CSMD1: variants seen among roughly 807,000 people sequenced by gnomAD.
CSMD1 encodes CUB and sushi domain-containing protein 1.
A neutral mutation model predicts 417.5 loss-of-function variants in CSMD1; 213 were observed. The ratio of observed to expected loss-of-function variants is 0.51; its 90% CI spans 0.46 to 0.57. The LOEUF is 0.57. CSMD1 is among the 20% of genes least tolerant of loss of function. The pLI is 0.00. For synonymous variants in CSMD1, 2,862 were observed against 1,736.8 expected (o/e 1.65, Z -16.11); for missense variants, 6,923 against 4,529.7 (o/e 1.53, Z -15.17).
At chr8:3,147,265 G>T (rs752908288) in intron 40 of CSMD1, among the ~76,000 whole-genome samples, 24 of 152,054 alleles carry the variant, frequency 1.6e-4, no homozygotes, top group Non-Finnish European at 4.4e-5. Flanking sequence ...CATGCTGTTT[G>T]TTTCATACTC....
At chr8:3,363,951 C>T (rs943064972) in intron 20 of CSMD1, among the ~76,000 whole-genome samples, 2 of 152,044 alleles carry the variant, frequency 1.3e-5, no homozygotes, top group African/African-American at 2.4e-5. Context: ...ACAATATTAC[C>T]GTTAACATCT....
intron 3 of CSMD1, among the ~76,000 whole-genome samples, chr8:4,325,813 C>A (rs930894680): frequency 6.6e-6 from 1 of 152,098 alleles, no homozygotes; most frequent in East Asian, 1.9e-4. Context: ...GCTGATGACC[C>A]TGAGAACGAC....
chr8:4,375,967 A>G (rs948431527), intron 3 of CSMD1, among the ~76,000 whole-genome samples: 2 of 152,142 alleles, frequency 1.3e-5, no homozygotes, highest in Non-Finnish European at 2.9e-5. Flanking sequence ...AGGCCTTGCC[A>G]ATGCTGCTTA....
chr8:4,284,607 A>T (rs1796961097), intron 3 of CSMD1, among the ~76,000 whole-genome samples: 2 of 152,148 alleles, frequency 1.3e-5, no homozygotes, highest in Admixed American at 1.3e-4. Flanking sequence ...CGTCAGGCAA[A>T]GATGGTAAAA....
At position 3,065,890 on chromosome 8, in the gene CSMD1, T is replaced by C. The variant is rs181784132; in HGVS notation, c.7475-13243A>G. On this transcript the variant is annotated intron_variant, in intron 49 of 69. Transcript: ENST00000635120. The stretch of plus-strand genomic sequence containing the variant: ...AAATCTGGCTCATTATAAATGAAAA[T>C]GAGTGAAGAGCGTAGTTTCTACAGC... Among the ~76,000 whole-genome samples the C allele has an allele frequency of 4.9e-4, 74 of 152,182 alleles. No homozygotes were observed. The East Asian group carries it at 0.013, about 26-fold the overall frequency.
Position 3,675,656 on chromosome 8 carries a change from A to C in CSMD1, c.1009+32758T>G, listed in dbSNP as rs528829667. On this transcript the variant is annotated intron_variant, in intron 7 of 69. Transcript: ENST00000635120. Reference sequence around the variant, plus strand: ...AAACCAGGGTGTTCTCTGCCACTCAAGGACACAATTAGAAGATGCCATCTG... The same window carrying C: ...AAACCAGGGTGTTCTCTGCCACTCACGGACACAATTAGAAGATGCCATCTG... 6.5e-4 allele frequency among the ~76,000 whole-genome samples: 99 copies of C among 152,294 alleles called. No homozygotes were observed. In the Middle Eastern group the frequency reaches 0.014, roughly 21 times the overall value.
At chr8:4,440,251 T>C (rs879934288) in intron 2 of CSMD1, among the ~76,000 whole-genome samples, 4 of 152,208 alleles carry the variant, frequency 2.6e-5, no homozygotes, top group Non-Finnish European at 5.9e-5. Flanking sequence ...CCTATACATA[T>C]TGTATATATT....
chr8:4,283,031 C>T (rs1428287303), intron 3 of CSMD1, among the ~76,000 whole-genome samples: 5 of 152,030 alleles, frequency 3.3e-5, no homozygotes, highest in African/African-American at 9.6e-5. Context: ...ATTATATTTT[C>T]ATTTAAAAAA....
chr8:4,616,073 T>C (rs1353099730), intron 2 of CSMD1, among the ~76,000 whole-genome samples: 1 of 152,180 alleles, frequency 6.6e-6, no homozygotes, highest in African/African-American at 2.4e-5. Flanking sequence ...GTGTTCTTAT[T>C]TCATAGTGCA....
At chr8:3,488,134 G>C (rs888528845) in intron 11 of CSMD1, among the ~76,000 whole-genome samples, 2 of 139,676 alleles carry the variant, frequency 1.4e-5, no homozygotes, top group Non-Finnish European at 3.2e-5. Flanking sequence ...ATAGTGTCTT[G>C]CTCTGTTGCT....
At chr8:4,236,195 G>A (rs1184025172) in intron 3 of CSMD1, among the ~76,000 whole-genome samples, 1 of 152,010 alleles carries the variant, frequency 6.6e-6, no homozygotes. Context: ...AACACATGAT[G>A]TACGTCTGCG....
chr8:4,013,220 A>G (rs957846775), intron 4 of CSMD1, among the ~76,000 whole-genome samples: 2 of 151,872 alleles, frequency 1.3e-5, no homozygotes, highest in Non-Finnish European at 2.9e-5. Flanking sequence ...ATCCTCCGGG[A>G]CCTTTCCCCT....
chr8:4,392,922 T>TC (rs1803948478), intron 3 of CSMD1, among the ~76,000 whole-genome samples: 1 of 151,582 alleles, frequency 6.6e-6, no homozygotes, highest in African/African-American at 2.4e-5. Context: ...TGAGCGGAGA[T>TC]CCTGCCACTG....
chr8:4,608,226 C>A (rs1800986345), intron 2 of CSMD1, among the ~76,000 whole-genome samples: 1 of 152,130 alleles, frequency 6.6e-6, no homozygotes, highest in African/African-American at 2.4e-5. Context: ...TCCATGGAAG[C>A]ATTTTGAGCT....
rs909415434 is a variant in CSMD1, at chr8:3,223,668, T to C, written c.4484+61A>G. The C allele has an allele frequency of 2.4e-5, 38 of 1,560,232 alleles. No homozygotes were observed. The East Asian group carries it at 7.2e-4, about 29-fold the overall frequency. ...AGAGACTATGAGGTCATAAAAGAAG[T>C]AATTTTTAGGTATGGAATTAAAAAT... On this transcript the variant is annotated intron_variant, in intron 28 of 69. Coordinates refer to ENST00000635120, the MANE Select transcript of CSMD1 (RefSeq NM_033225.6).
intron 1 of CSMD1, among the ~76,000 whole-genome samples, chr8:4,911,530 C>T (rs552659553): frequency 2.6e-5 from 4 of 152,020 alleles, no homozygotes; most frequent in Non-Finnish European, 5.9e-5. Flanking sequence ...TTCCTTAATC[C>T]CAAGTCAGGG....
intron 3 of CSMD1, among the ~76,000 whole-genome samples, chr8:4,123,534 G>C (rs565359049): frequency 1.3e-5 from 2 of 152,240 alleles, no homozygotes; most frequent in East Asian, 1.9e-4. Context: ...GATTAACATT[G>C]AAAATGTGAA....
chr8:4,450,009 G>A (rs899256896), intron 2 of CSMD1, among the ~76,000 whole-genome samples: 2 of 152,148 alleles, frequency 1.3e-5, no homozygotes, highest in African/African-American at 4.8e-5. Flanking sequence ...CATCTCTCCT[G>A]CTATGGCCTG....
intron 26 of CSMD1, among the ~76,000 whole-genome samples, chr8:3,274,621 G>A (rs950462237): frequency 1.3e-5 from 2 of 152,090 alleles, no homozygotes; most frequent in Non-Finnish European, 2.9e-5. Flanking sequence ...CCTGTATTGG[G>A]TGCATATATA....
Sources: allele counts gnomAD v4.1 joint callset (sites outside exome capture counted in the v4.1 genomes callset), GRCh38; gene constraint gnomAD v4.1.1; transcripts MANE v1.5; gene names NCBI Gene and HGNC (gene_info 2026-07-23, HGNC 2026-07-21).